The following GNL3L variants were observed in gnomAD, a reference collection of about 807,000 sequenced individuals.
GNL3L encodes G protein nucleolar 3 like.
In GNL3L, 4 loss-of-function variants were observed where a neutral mutation model predicts 42.9. The ratio of observed to expected loss-of-function variants is 0.09; its 90% CI spans 0.05 to 0.21. The LOEUF is 0.21. GNL3L is among the 10% of genes least tolerant of loss of function. The pLI, the probability that GNL3L is intolerant of heterozygous loss-of-function variation, is 1.00. For missense variants in GNL3L, 412 were observed against 481.7 expected (o/e 0.86, Z 1.36); for synonymous variants, 159 against 176.3 (o/e 0.90, Z 0.78).
chrX:54,534,160 C>T (rs923634949), intron 2 of GNL3L, among the ~76,000 whole-genome samples: 1 of 104,991 alleles, frequency 9.5e-6, no homozygotes, highest in African/African-American at 3.7e-5. Flanking sequence ...GGATTACAGG[C>T]GTGAGCTACC....
the GNL3L span, among the ~76,000 whole-genome samples, chrX:54,640,712 C>T: frequency 8.9e-6 from 1 of 112,237 alleles, no homozygotes; most frequent in African/African-American, 3.2e-5. Flanking sequence ...GTTTTAGGCT[C>T]TTGTCGACCC....
chrX:54,530,696 GGAC>G (rs762884198), intron 1 of GNL3L, among the ~76,000 whole-genome samples: 76 of 111,912 alleles, frequency 6.8e-4, no homozygotes, highest in African/African-American at 2.4e-3. Flanking sequence ...AAGGCATGGG[GGAC>G]ATCCACCCCA....
chrX:54,549,469 C>T (rs190305230), intron 9 of GNL3L, among the ~76,000 whole-genome samples: 20 of 112,312 alleles, frequency 1.8e-4, no homozygotes, highest in Non-Finnish European at 3.6e-4. Flanking sequence ...GAGGCTGAGG[C>T]GCACAGATCA....
Position 54,558,536 on chromosome X carries a change from A to G in GNL3L, c.1547A>G (p.Asp516Gly), listed in dbSNP as rs1925166091. 4.1e-6 allele frequency: 5 copies of G among 1,208,051 alleles called. No homozygotes were observed. The highest frequency in any genetic ancestry group is 2.2e-5 in the Admixed American group (1 of 45,942). ...CGCCCTAAGAGCAACAGTATGGTGG[A>G]TGTCTGCTCAGTGGACCGCCGCTCA... ...DHRPKSNSMV[D>G]VCSVDRRSVL... is the part of the protein sequence containing the mutation. Residue 516 changes from aspartate to glycine, a missense_variant, in exon 15 of 16, where the codon GAT (aspartate) becomes GGT (glycine). Transcript: ENST00000360845.
intron 4 of GNL3L, 28 bp downstream of exon 4, chrX:54,540,270 A>G (rs1924570059): frequency 1.0e-6 from 1 of 962,472 alleles, no homozygotes; most frequent in African/African-American, 1.9e-5. Flanking sequence ...GTGGGGAGAG[A>G]GAGGGCCTGC....
At chrX:54,541,649 C>T (rs957409435) in intron 5 of GNL3L, among the ~76,000 whole-genome samples, 3 of 106,718 alleles carry the variant, frequency 2.8e-5, no homozygotes, top group South Asian at 4.2e-4. Context: ...GGGCTGGTGG[C>T]GGAGTTGGGG....
At chrX:54,594,507 A>C (rs1925907861) in intron 16 of GNL3L, among the ~76,000 whole-genome samples, 1 of 108,191 alleles carries the variant, frequency 9.2e-6, no homozygotes, top group African/African-American at 3.3e-5. Context: ...TTTATAGGTG[A>C]AGCATGTTTC....
At chrX:54,573,063 T>G (rs1925580212) in intron 16 of GNL3L, among the ~76,000 whole-genome samples, 1 of 101,884 alleles carries the variant, frequency 9.8e-6, no homozygotes, top group Non-Finnish European at 2.0e-5. Flanking sequence ...CTTTCCAGAC[T>G]GGGCAGCCAG....
intron 16 of GNL3L, among the ~76,000 whole-genome samples, chrX:54,588,355 T>C (rs1184174413): frequency 8.9e-6 from 1 of 112,592 alleles, no homozygotes; most frequent in Non-Finnish European, 1.9e-5. Context: ...CGTTTTTAGA[T>C]GCTCTTTGTG....
At chrX:54,606,709 T>G (rs1222052067) in intron 16 of GNL3L, among the ~76,000 whole-genome samples, 1 of 108,027 alleles carries the variant, frequency 9.3e-6, no homozygotes, top group Non-Finnish European at 1.9e-5. Context: ...GGTGCGCTCT[T>G]GGCTCACTGT....
rs754209646 is a variant in GNL3L, at chrX:54,610,204, C to A, written c.*46-10641C>A. Among the ~76,000 whole-genome samples, 257 of 111,744 alleles carry A rather than the reference C, an allele frequency of 2.3e-3. 1 individual carries two copies. Among genetic ancestry groups the A allele is most frequent in the African/African-American group, 7.8e-3 (240 of 30,777 alleles). On this transcript the variant is annotated intron_variant, in intron 16 of 16. Coordinates refer to the GNL3L transcript ENST00000674498. ...TTGATTTGTGTACATTAATTTGTAT[C>A]CAGAAACTTGGCTGAGTTTTTTTTA... is the stretch of plus-strand genomic sequence containing the variant.
intron 16 of GNL3L, among the ~76,000 whole-genome samples, chrX:54,610,214 G>C (rs1926145957): frequency 9.0e-6 from 1 of 111,647 alleles, no homozygotes; most frequent in Non-Finnish European, 1.9e-5. Context: ...CCAGAAACTT[G>C]GCTGAGTTTT....
chrX:54,628,060 A>G, the GNL3L span, among the ~76,000 whole-genome samples: 1 of 110,635 alleles, frequency 9.0e-6, no homozygotes, highest in African/African-American at 3.3e-5. Flanking sequence ...CCTTTGTGTC[A>G]TCATAGCTTA....
chrX:54,578,150 A>G (rs367640200), intron 16 of GNL3L, among the ~76,000 whole-genome samples: 1 of 112,297 alleles, frequency 8.9e-6, no homozygotes, highest in East Asian at 2.8e-4. Context: ...ATAGAAAAAT[A>G]AAATTTATAT....
chrX:54,552,216 C>T, intron 12 of GNL3L, 76 bp from the exon 13 acceptor site: 1 of 1,075,468 alleles, frequency 9.3e-7, no homozygotes, highest in Non-Finnish European at 1.3e-6. Flanking sequence ...TTCTGGCCTG[C>T]AAACTCATCG....
chrX:54,556,600 G>A (rs1431479999), intron 14 of GNL3L, among the ~76,000 whole-genome samples: 1 of 110,882 alleles, frequency 9.0e-6, no homozygotes, highest in Non-Finnish European at 1.9e-5. Context: ...GGCTGGTCTC[G>A]AACTCCTGAC....
chrX:54,549,220 A>C (rs1211281215), intron 9 of GNL3L, among the ~76,000 whole-genome samples: 3 of 111,649 alleles, frequency 2.7e-5, no homozygotes, highest in African/African-American at 9.8e-5. Context: ...GATACAGAGG[A>C]ACACATACAC....
At chrX:54,621,096 C>G (rs896520452) in exon 17 of GNL3L, among the ~76,000 whole-genome samples, 1 of 112,015 alleles carries the variant, frequency 8.9e-6, no homozygotes, top group Non-Finnish European at 1.9e-5. Context: ...ACAATGAGAC[C>G]TTACCATTTC....
intron 16 of GNL3L, among the ~76,000 whole-genome samples, chrX:54,596,607 C>G (rs896949784): frequency 1.8e-5 from 2 of 112,258 alleles, no homozygotes; most frequent in African/African-American, 6.5e-5. Context: ...CAGCAGGTGG[C>G]AAAGCCACCC....
Sources: allele counts gnomAD v4.1 joint callset (sites outside exome capture counted in the v4.1 genomes callset), GRCh38; gene constraint gnomAD v4.1.1; transcripts MANE v1.5; gene names NCBI Gene and HGNC (gene_info 2026-07-23, HGNC 2026-07-21).